Variants in PRIM2 observed in about 807,000 individuals in gnomAD.
The protein encoded by PRIM2 is DNA primase large subunit.
PRIM2 carries 39 observed loss-of-function variants against 67.3 expected under a neutral mutation model. The observed-to-expected ratio is 0.58, with a 90% confidence interval of 0.45 to 0.76. PRIM2 has a LOEUF of 0.76. PRIM2 is among the 30% of genes least tolerant of loss of function. The pLI, the probability that PRIM2 is intolerant of heterozygous loss-of-function variation, is 0.00. For missense variants in PRIM2, 398 were observed against 598.7 expected, an observed-to-expected ratio of 0.66 and a Z score of 3.50; for synonymous variants, 143 against 198.7, an observed-to-expected ratio of 0.72 and a Z score of 2.36.
At chr6:57,421,071 T>C (rs1771444977) in intron 7 of PRIM2, among the ~76,000 whole-genome samples, 1 of 152,068 alleles carries the variant, frequency 6.6e-6, no homozygotes. Flanking sequence ...ACGAATCTTC[T>C]AGAAGGATGG....
At chr6:57,289,568 A>G in the PRIM2 span, among the ~76,000 whole-genome samples, 7 of 152,194 alleles carry the variant, frequency 4.6e-5, no homozygotes, top group Non-Finnish European at 8.8e-5. Context: ...AGGTCGGGTT[A>G]CCCACAAAGG....
rs1775594567 is a variant in PRIM2 at position 57,559,898 on chromosome 6, T to G, written c.1020+22273T>G. Among the ~76,000 whole-genome samples, 3 of 152,102 alleles carry G rather than the reference T, an allele frequency of 2.0e-5. No homozygotes were observed. The South Asian group carries it at 6.2e-4, about 32-fold the overall frequency. ...TGGTGAGTTGTAATCTTTTTGCTGG[T>G]GGAGGGTCTTGCCTTGATGTTGATG... is the stretch of plus-strand genomic sequence containing the variant. On this transcript the variant is annotated intron_variant, in intron 10 of 13. Coordinates refer to ENST00000615550, the MANE Select transcript of PRIM2 (RefSeq NM_000947.5).
At chr6:57,226,817 A>C in the PRIM2 span, among the ~76,000 whole-genome samples, 1 of 152,294 alleles carries the variant, frequency 6.6e-6, no homozygotes, top group South Asian at 2.1e-4. Context: ...AACCTATAGG[A>C]TTTGGCTATG....
At chr6:57,446,187 CTT>C (rs1655249925) in intron 7 of PRIM2, among the ~76,000 whole-genome samples, 1 of 152,020 alleles carries the variant, frequency 6.6e-6, no homozygotes, top group Admixed American at 6.6e-5. Flanking sequence ...TCTTGTAAAA[CTT>C]TAGCATTCTG....
At chr6:57,340,437 C>T (rs1482563667) in intron 5 of PRIM2, among the ~76,000 whole-genome samples, 1 of 152,114 alleles carries the variant, frequency 6.6e-6, no homozygotes, top group Non-Finnish European at 1.5e-5. Context: ...TTCACAATAG[C>T]AAAGACTTGG....
At chr6:57,347,814 C>A (rs1422269073) in intron 5 of PRIM2, among the ~76,000 whole-genome samples, 1 of 152,082 alleles carries the variant, frequency 6.6e-6, no homozygotes, top group Non-Finnish European at 1.5e-5. Flanking sequence ...AAGTAACTTT[C>A]CTTAAAATTA....
intron 10 of PRIM2, among the ~76,000 whole-genome samples, chr6:57,597,155 A>T (rs1231109996): frequency 2.6e-5 from 4 of 152,136 alleles, no homozygotes; most frequent in Admixed American, 2.6e-4. Context: ...ATACAAAAAT[A>T]AATTCCATTG....
At chr6:57,529,715 G>A (rs1774846547) in intron 8 of PRIM2, among the ~76,000 whole-genome samples, 2 of 152,170 alleles carry the variant, frequency 1.3e-5, no homozygotes, top group African/African-American at 4.8e-5. Flanking sequence ...AAGCCCTATA[G>A]GTTGGAAAGG....
At chr6:57,469,406 A>G (rs1386760599) in intron 7 of PRIM2, among the ~76,000 whole-genome samples, 1 of 152,268 alleles carries the variant, frequency 6.6e-6, no homozygotes, top group Non-Finnish European at 1.5e-5. Flanking sequence ...AACCATTACA[A>G]TGAGAACAGA....
intron 7 of PRIM2, among the ~76,000 whole-genome samples, chr6:57,407,088 GTTATC>G (rs1236680680): frequency 1.3e-5 from 2 of 151,736 alleles, no homozygotes; most frequent in African/African-American, 4.8e-5. Flanking sequence ...TAACCCGAAT[GTTATC>G]TTCTTTAACT....
intron 7 of PRIM2, among the ~76,000 whole-genome samples, chr6:57,440,465 T>G (rs1772168818): frequency 6.6e-6 from 1 of 152,178 alleles, no homozygotes; most frequent in Non-Finnish European, 1.5e-5. Context: ...GAGACATATA[T>G]TAAAAAGAAT....
intron 7 of PRIM2, among the ~76,000 whole-genome samples, chr6:57,446,004 C>T (rs565536725): frequency 6.6e-6 from 1 of 152,350 alleles, no homozygotes; most frequent in East Asian, 1.9e-4. Flanking sequence ...TGGAGTGAGG[C>T]TCAGCCATGG....
chr6:57,475,000 G>A (rs1456628560), intron 7 of PRIM2, among the ~76,000 whole-genome samples: 2 of 152,146 alleles, frequency 1.3e-5, no homozygotes, highest in African/African-American at 4.8e-5. Flanking sequence ...GCAATCGGCT[G>A]CTCTGGGCAT....
At chr6:57,474,804 C>A (rs1217775928) in intron 7 of PRIM2, among the ~76,000 whole-genome samples, 2 of 152,126 alleles carry the variant, frequency 1.3e-5, no homozygotes, top group Non-Finnish European at 2.9e-5. Context: ...TGAGAGAGCC[C>A]AGGTTTGCCA....
At chr6:57,401,195 T>G (rs1770694906) in intron 7 of PRIM2, among the ~76,000 whole-genome samples, 1 of 152,142 alleles carries the variant, frequency 6.6e-6, no homozygotes, top group Admixed American at 6.5e-5. Flanking sequence ...GTTATTGGAG[T>G]TCTTGCTTTG....
chr6:57,323,186 G>A (rs1767718759), intron 3 of PRIM2, among the ~76,000 whole-genome samples: 1 of 151,472 alleles, frequency 6.6e-6, no homozygotes, highest in Non-Finnish European at 1.5e-5. Context: ...TTATTATTTT[G>A]GATCCAACTG....
intron 12 of PRIM2, among the ~76,000 whole-genome samples, chr6:57,630,858 C>A (rs1777027537): frequency 6.6e-6 from 1 of 152,088 alleles, no homozygotes; most frequent in African/African-American, 2.4e-5. Context: ...GGAAAACTTG[C>A]AGAATAAATT....
chr6:57,641,427 G>T (rs1777231782), intron 13 of PRIM2, among the ~76,000 whole-genome samples: 1 of 152,120 alleles, frequency 6.6e-6, no homozygotes, highest in Non-Finnish European at 1.5e-5. Flanking sequence ...CACCGCAAAA[G>T]AAACTATCAT....
At chr6:57,434,898 C>T (rs1562750833) in intron 7 of PRIM2, 1 of 152,388 alleles carries the variant, frequency 6.6e-6, no homozygotes, top group Non-Finnish European at 1.5e-5. Flanking sequence ...ACCCCAGCCT[C>T]CGAGTAGCTG....
Sources: gnomAD v4.1 joint callset for allele counts (sites outside exome capture counted in the v4.1 genomes callset) on GRCh38, gnomAD v4.1.1 for gene constraint, MANE v1.5 for transcripts, NCBI Gene and HGNC (gene_info 2026-07-23, HGNC 2026-07-21) for gene names.